The following HDAC9 variants were observed in gnomAD, a reference collection of about 807,000 sequenced individuals.
The protein encoded by HDAC9 is MEF-2 interacting transcription repressor (MITR) protein.
In HDAC9, 41 loss-of-function variants were observed where a neutral mutation model predicts 139.4. The observed-to-expected ratio is 0.29, with a 90% confidence interval of 0.23 to 0.38. The LOEUF (loss-of-function observed/expected upper bound fraction) is 0.38, where lower values mean the gene tolerates loss of function less well. HDAC9 is among the 10% of genes least tolerant of loss of function. The probability of loss-of-function intolerance (pLI) is 1.00; values close to 1 mark genes in which losing one functional copy is unlikely to be tolerated. For missense variants in HDAC9, 1,147 were observed against 1,297.0 expected, an observed-to-expected ratio of 0.88 and a Z score of 1.78; for synonymous variants, 517 against 476.2, an observed-to-expected ratio of 1.09 and a Z score of -1.12.
intron 1 of HDAC9, among the ~76,000 whole-genome samples, chr7:18,314,245 G>A (rs569155931): frequency 7.0e-4 from 106 of 152,160 alleles, no homozygotes; most frequent in Non-Finnish European, 1.3e-3. Flanking sequence ...TAATAAGCCT[G>A]CCTTATCTCC....
Position 19,001,765 on chromosome 7 carries a change from C to G in HDAC9, c.*5703C>G, listed in dbSNP as rs367646089. 1 of 151,248 alleles carries G rather than the reference C, an allele frequency of 6.6e-6. No homozygotes were observed. The highest frequency in any genetic ancestry group is 1.5e-5 in the Non-Finnish European group (1 of 67,346). The allele number at this position is 151,248 out of a possible 1,614,324, so 9.4% of individuals were successfully genotyped here. A position where few individuals can be genotyped will look rare whatever the true frequency, so the allele number is the denominator to read the frequency against. ...TTCAGTGGTTTCTAGGTATAACAAA[C>G]AAGCCGTTAAAAATGAGTGACCATT... On this transcript the variant is annotated 3_prime_UTR_variant, in exon 26 of 26. Transcript: ENST00000686413.
chr7:18,812,311 G>C (rs1043386068), intron 17 of HDAC9, among the ~76,000 whole-genome samples: 1 of 151,672 alleles, frequency 6.6e-6, no homozygotes, highest in African/African-American at 2.4e-5. Flanking sequence ...TTTCCATTTG[G>C]TATCATTTCC....
chr7:18,475,913 A>G (rs1285182890), intron 1 of HDAC9, among the ~76,000 whole-genome samples: 3 of 152,212 alleles, frequency 2.0e-5, no homozygotes, highest in Non-Finnish European at 2.9e-5. Flanking sequence ...TAAGATTAAA[A>G]TGGCATAGTT....
chr7:18,391,133 C>T (rs1202952860), intron 1 of HDAC9, among the ~76,000 whole-genome samples: 1 of 152,072 alleles, frequency 6.6e-6, no homozygotes, highest in Non-Finnish European at 1.5e-5. Flanking sequence ...GCCTGTAATC[C>T]TAGCACTTTG....
chr7:18,687,362 A>G (rs955145551), intron 12 of HDAC9, among the ~76,000 whole-genome samples: 8 of 151,848 alleles, frequency 5.3e-5, no homozygotes, highest in African/African-American at 1.9e-4. Context: ...CAAAACCACA[A>G]ACTAGTTTAC....
intron 6 of HDAC9, among the ~76,000 whole-genome samples, chr7:18,624,084 A>G (rs1405035857): frequency 6.6e-6 from 1 of 152,174 alleles, no homozygotes; most frequent in Non-Finnish European, 1.5e-5. Context: ...ACAGTCACAC[A>G]TATCAATCTC....
chr7:18,541,560 A>G (rs1482301273), intron 2 of HDAC9, among the ~76,000 whole-genome samples: 1 of 152,100 alleles, frequency 6.6e-6, no homozygotes, highest in East Asian at 1.9e-4. Flanking sequence ...ATTCTGTGTT[A>G]CTCAGCAACG....
At chr7:18,902,271 T>C (rs1173530736) in intron 22 of HDAC9, among the ~76,000 whole-genome samples, 1 of 152,198 alleles carries the variant, frequency 6.6e-6, no homozygotes, top group East Asian at 1.9e-4. Context: ...CTAGTGAAGG[T>C]TCTTCTCACT....
chr7:18,373,621 C>T (rs1784758839), intron 1 of HDAC9, among the ~76,000 whole-genome samples: 1 of 152,054 alleles, frequency 6.6e-6, no homozygotes, highest in African/African-American at 2.4e-5. Context: ...GATTCCATGC[C>T]AGGAATTGAG....
intron 22 of HDAC9, among the ~76,000 whole-genome samples, chr7:18,919,604 G>A (rs1214827033): frequency 6.6e-6 from 1 of 151,914 alleles, no homozygotes; most frequent in Non-Finnish European, 1.5e-5. Flanking sequence ...AGGGATTAAA[G>A]GGAAGAAGAA....
intron 1 of HDAC9, among the ~76,000 whole-genome samples, chr7:18,148,191 C>T (rs1056594791): frequency 2.0e-5 from 3 of 152,200 alleles, no homozygotes; most frequent in Admixed American, 1.3e-4. Context: ...GTATTATCTT[C>T]GAGTTCTATA....
intron 6 of HDAC9, among the ~76,000 whole-genome samples, chr7:18,607,014 T>C (rs991488217): frequency 1.3e-5 from 2 of 152,208 alleles, no homozygotes; most frequent in Non-Finnish European, 2.9e-5. Flanking sequence ...TACAAATGTA[T>C]AATTTATACA....
At chr7:18,622,585 G>A (rs186680082) in intron 6 of HDAC9, among the ~76,000 whole-genome samples, 2,668 of 152,116 alleles carry the variant, frequency 0.018, 40 homozygotes, top group Non-Finnish European at 0.025. Flanking sequence ...GCCTCCCAGA[G>A]TGCTGGGATT....
chr7:18,593,876 A>T (rs1831691971), intron 5 of HDAC9, 32 bp from the exon 6 acceptor site: 1 of 1,611,184 alleles, frequency 6.2e-7, no homozygotes, highest in Non-Finnish European at 8.5e-7. Flanking sequence ...AAAACTACCA[A>T]GTAAATAGTG....
chr7:18,257,364 C>G lies in HDAC9; in HGVS notation c.25+95015C>G, dbSNP rs1031552389. Reference sequence around the variant, plus strand: ...ATGACACAATGAGACCACCCTGTCTCTCTGACTCTCTCTCTCTCTCTCTCT... The same window carrying G: ...ATGACACAATGAGACCACCCTGTCTGTCTGACTCTCTCTCTCTCTCTCTCT... On this transcript the variant is annotated intron_variant, in intron 2 of 12. Coordinates refer to the HDAC9 transcript ENST00000417496. Among the ~76,000 whole-genome samples, 8 of 145,170 alleles carry G rather than the reference C, an allele frequency of 5.5e-5. No homozygotes were observed. The East Asian group carries it at 1.2e-3, about 22-fold the overall frequency.
intron 1 of HDAC9, among the ~76,000 whole-genome samples, chr7:18,421,551 A>G (rs1789620748): frequency 6.6e-6 from 1 of 152,220 alleles, no homozygotes; most frequent in African/African-American, 2.4e-5. Flanking sequence ...AATTATTTTT[A>G]TGTCTGGAAA....
At chr7:18,729,795 C>T (rs1177296226) in intron 13 of HDAC9, among the ~76,000 whole-genome samples, 1 of 152,078 alleles carries the variant, frequency 6.6e-6, no homozygotes, top group African/African-American at 2.4e-5. Flanking sequence ...TAAGGCAATT[C>T]CTTGTCCACA....
intron 2 of HDAC9, among the ~76,000 whole-genome samples, chr7:18,235,307 C>T (rs991196920): frequency 7.2e-5 from 11 of 151,948 alleles, no homozygotes; most frequent in Non-Finnish European, 1.0e-4. Flanking sequence ...AATATACCTC[C>T]GAGAGACCCA....
rs1311704558 is a variant in HDAC9, at chr7:18,648,050, G to C, written c.1249+52G>C. 11 of 1,368,196 alleles carry C rather than the reference G, an allele frequency of 8.0e-6. No individual in the cohort carries two copies. In the East Asian group the frequency reaches 2.7e-4, roughly 34 times the overall value. 84.8% of individuals were successfully genotyped at this position (1,368,196 alleles called of 1,614,324 possible). On this transcript the variant is annotated intron_variant, in intron 10 of 25. Coordinates refer to ENST00000686413, the MANE Select transcript of HDAC9 (RefSeq NM_178425.4). Reference sequence around the variant, plus strand: ...GTCATTTTAGGGTTTTATTTTATTAGTGATCCAGGATAATGTCTCTTTTAC... The same window carrying C: ...GTCATTTTAGGGTTTTATTTTATTACTGATCCAGGATAATGTCTCTTTTAC...
Sources: gnomAD v4.1 joint callset for allele counts (sites outside exome capture counted in the v4.1 genomes callset) on GRCh38, gnomAD v4.1.1 for gene constraint, MANE v1.5 for transcripts, NCBI Gene and HGNC (gene_info 2026-07-23, HGNC 2026-07-21) for gene names.